The following VAV3 variants were observed in gnomAD, a reference collection of about 807,000 sequenced individuals.
VAV3 encodes the protein vav guanine nucleotide exchange factor 3.
Under a neutral mutation model 131.2 loss-of-function variants are expected in VAV3, and 94 were observed. The observed-to-expected ratio is 0.72, with a 90% CI of 0.61 to 0.85. The LOEUF is 0.85. Among genes scored for constraint, VAV3 ranks in the 40% least tolerant of loss-of-function variants. The pLI is 0.00. For synonymous variants in VAV3, 349 were observed against 342.0 expected (o/e 1.02, Z -0.22); for missense variants, 939 against 1,002.7 (o/e 0.94, Z 0.86).
At chr1:107,597,803 T>C (rs1285691085) in intron 24 of VAV3, among the ~76,000 whole-genome samples, 1 of 152,142 alleles carries the variant, frequency 6.6e-6, no homozygotes, top group Non-Finnish European at 1.5e-5. Context: ...TCACAGATGA[T>C]AACAAAGAAT....
At chr1:107,760,353 T>C (rs116765421) in intron 10 of VAV3, among the ~76,000 whole-genome samples, 1,917 of 152,306 alleles carry the variant, frequency 0.013, 36 homozygotes, top group African/African-American at 0.044. Context: ...TAATTTAGTA[T>C]AGTAGAAAGC....
chr1:107,853,119 T>A (rs1669302480), intron 2 of VAV3, among the ~76,000 whole-genome samples: 2 of 152,192 alleles, frequency 1.3e-5, no homozygotes, highest in African/African-American at 4.8e-5. Flanking sequence ...TGAAAACTGT[T>A]TTTTGAGCAT....
At chr1:107,898,296 A>G (rs967593288) in intron 1 of VAV3, among the ~76,000 whole-genome samples, 1 of 152,212 alleles carries the variant, frequency 6.6e-6, no homozygotes, top group Non-Finnish European at 1.5e-5. Flanking sequence ...TCTCTTCATA[A>G]GTAGAAATTA....
Position 107,664,368 on chromosome 1 carries a change from C to T in VAV3, c.1777+19120G>A, listed in dbSNP as rs997981906. Reference sequence around the variant, plus strand: ...CTCCCCAACCCCCCACAAAAGGCCCCAGTGTGTGTTGTTCCTCGCCACTGC... The same window carrying T: ...CTCCCCAACCCCCCACAAAAGGCCCTAGTGTGTGTTGTTCCTCGCCACTGC... On this transcript the variant is annotated intron_variant, in intron 19 of 26. Coordinates refer to ENST00000370056, the MANE Select transcript of VAV3 (RefSeq NM_006113.5). 2.0e-5 allele frequency among the ~76,000 whole-genome samples: 3 copies of T among 151,792 alleles called. No homozygotes were observed. In the East Asian group the frequency reaches 5.8e-4, roughly 29 times the overall value.
chr1:107,674,151 A>C (rs1007694461), intron 19 of VAV3, among the ~76,000 whole-genome samples: 2 of 152,246 alleles, frequency 1.3e-5, no homozygotes, highest in South Asian at 4.1e-4. Flanking sequence ...ACTCCTTAAA[A>C]TAGCTTTTAA....
chr1:107,939,975 C>A (rs1446144703), intron 1 of VAV3, among the ~76,000 whole-genome samples: 2 of 152,082 alleles, frequency 1.3e-5, no homozygotes, highest in African/African-American at 4.8e-5. Context: ...TTGTATGGAA[C>A]TGTCTACTGC....
At chr1:107,916,111 G>A (rs895432188) in intron 1 of VAV3, among the ~76,000 whole-genome samples, 2 of 152,084 alleles carry the variant, frequency 1.3e-5, no homozygotes, top group Non-Finnish European at 2.9e-5. Context: ...TTAACTGCCT[G>A]TTGCTCTAAA....
intron 2 of VAV3, among the ~76,000 whole-genome samples, chr1:107,809,587 T>C (rs1326767335): frequency 2.0e-5 from 3 of 150,262 alleles, no homozygotes; most frequent in South Asian, 2.1e-4. Flanking sequence ...AATGAACTTA[T>C]ACATTAAGGG....
chr1:107,931,430 T>C (rs1365069826), intron 1 of VAV3, among the ~76,000 whole-genome samples: 3 of 152,128 alleles, frequency 2.0e-5, no homozygotes, highest in African/African-American at 7.2e-5. Flanking sequence ...AAATAAAAAA[T>C]ATACATTTTT....
At chr1:107,660,954 A>C (rs992312273) in intron 19 of VAV3, among the ~76,000 whole-genome samples, 1 of 152,084 alleles carries the variant, frequency 6.6e-6, no homozygotes, top group African/African-American at 2.4e-5. Context: ...TGAGGGAAAA[A>C]ATCAAGTTAC....
intron 20 of VAV3, among the ~76,000 whole-genome samples, chr1:107,633,960 A>C (rs12752530): frequency 0.37 from 56,161 of 151,938 alleles, 10,534 homozygotes; most frequent in South Asian, 0.46. Context: ...CTTATCACCC[A>C]TAGCATTATG....
intron 1 of VAV3, among the ~76,000 whole-genome samples, chr1:107,930,283 T>C (rs1673364897): frequency 6.6e-6 from 1 of 152,164 alleles, no homozygotes; most frequent in Admixed American, 6.5e-5. Flanking sequence ...AAATATCTCA[T>C]GTAATCCATA....
intron 21 of VAV3, among the ~76,000 whole-genome samples, chr1:107,617,350 C>T (rs1027006061): frequency 9.2e-5 from 14 of 152,004 alleles, no homozygotes; most frequent in Admixed American, 2.6e-4. Context: ...TATATAAATT[C>T]TACTAAGTAA....
intron 15 of VAV3, among the ~76,000 whole-genome samples, chr1:107,711,782 G>A (rs1660797492): frequency 6.6e-6 from 1 of 152,036 alleles, no homozygotes; most frequent in Non-Finnish European, 1.5e-5. Context: ...CTGCCTCCCA[G>A]GTTCGAGCGA....
At chr1:107,792,405 T>C (rs1355420743) in intron 2 of VAV3, among the ~76,000 whole-genome samples, 1 of 152,162 alleles carries the variant, frequency 6.6e-6, no homozygotes, top group Non-Finnish European at 1.5e-5. Context: ...ACACACGGGC[T>C]CAAGTGATCC....
chr1:107,593,199 T>A (rs1651104247), intron 25 of VAV3, among the ~76,000 whole-genome samples: 1 of 152,118 alleles, frequency 6.6e-6, no homozygotes, highest in African/African-American at 2.4e-5. Flanking sequence ...CTAATCAATA[T>A]CTTTTTAGAT....
At chr1:107,954,511 C>T (rs1012065231) in intron 1 of VAV3, among the ~76,000 whole-genome samples, 1 of 150,864 alleles carries the variant, frequency 6.6e-6, no homozygotes, top group Non-Finnish European at 1.5e-5. Flanking sequence ...ATGAAATCAT[C>T]CAGATTCAGT....
chr1:107,747,928 G>A (rs1663456047), intron 15 of VAV3, among the ~76,000 whole-genome samples: 1 of 151,920 alleles, frequency 6.6e-6, no homozygotes, highest in South Asian at 2.1e-4. Flanking sequence ...ATTAACACGA[G>A]CATTTCTTAA....
rs544946736 is a variant in VAV3, at chr1:107,952,135, C to A, written c.204+12531G>T. ...TACATATACACTGTGGAATACTATG[C>A]AGAATGAGATCATGTCTTTTGCAGA... On this transcript the variant is annotated intron_variant, in intron 1 of 26. Transcript: ENST00000370056. 5.3e-5 allele frequency among the ~76,000 whole-genome samples: 8 copies of A among 152,164 alleles called. No individual in the cohort carries two copies. The South Asian group carries it at 1.0e-3, about 20-fold the overall frequency.
Sources: allele counts gnomAD v4.1 joint callset (sites outside exome capture counted in the v4.1 genomes callset), GRCh38; gene constraint gnomAD v4.1.1; transcripts MANE v1.5; gene names NCBI Gene and HGNC (gene_info 2026-07-23, HGNC 2026-07-21).